ZNF385D: variants seen among roughly 807,000 people sequenced by gnomAD.
ZNF385D encodes the protein zinc finger protein 385D.
Under a neutral mutation model 35.8 loss-of-function variants are expected in ZNF385D, and 15 were observed. That is an observed-to-expected ratio of 0.42 (90% CI 0.28 to 0.64). The LOEUF (loss-of-function observed/expected upper bound fraction) is 0.64. ZNF385D is among the 30% of genes least tolerant of loss of function. The pLI, the probability that ZNF385D is intolerant of heterozygous loss-of-function variation, is 0.23. For missense variants in ZNF385D, 474 were observed against 494.6 expected (o/e 0.96, Z 0.39); for synonymous variants, 212 against 186.8 (o/e 1.13, Z -1.10).
chr3:22,066,837 T>C lies in ZNF385D; in HGVS notation c.325+101980A>G, dbSNP rs1699987670. On this transcript the variant is annotated intron_variant, in intron 3 of 5. Transcript: ENST00000494108. The stretch of plus-strand genomic sequence containing the variant: ...AGCCACATGAAAAAGAAATTGAAAA[T>C]ATATTTCCTTGAAAACATAATCCAG... Among the ~76,000 whole-genome samples the C allele has an allele frequency of 3.3e-5, 5 of 152,258 alleles. No homozygotes were observed. The South Asian group carries it at 1.0e-3, about 32-fold the overall frequency.
intron 2 of ZNF385D, among the ~76,000 whole-genome samples, chr3:22,191,539 G>A (rs996947533): frequency 6.6e-6 from 1 of 151,440 alleles, no homozygotes; most frequent in East Asian, 1.9e-4. Flanking sequence ...ACTTAGAGGT[G>A]TTACTAGAGC....
chr3:21,737,346 A>G (rs185057701), intron 1 of ZNF385D, among the ~76,000 whole-genome samples: 25 of 152,326 alleles, frequency 1.6e-4, no homozygotes. Flanking sequence ...ATAAATCATT[A>G]GATACCATGT....
chr3:21,858,764 C>G (rs556308158), intron 3 of ZNF385D, among the ~76,000 whole-genome samples: 1 of 152,056 alleles, frequency 6.6e-6, no homozygotes, highest in African/African-American at 2.4e-5. Context: ...TCCATGTTCC[C>G]GAATTTTATA....
At chr3:22,006,502 C>G (rs1313838364) in intron 3 of ZNF385D, among the ~76,000 whole-genome samples, 1 of 151,930 alleles carries the variant, frequency 6.6e-6, no homozygotes, top group Non-Finnish European at 1.5e-5. Context: ...GAATAATTAT[C>G]TCTTTTTGAT....
At chr3:21,723,370 G>T (rs2068620462) in intron 1 of ZNF385D, among the ~76,000 whole-genome samples, 1 of 152,140 alleles carries the variant, frequency 6.6e-6, no homozygotes, top group Non-Finnish European at 1.5e-5. Context: ...AAAGGAGCGT[G>T]TTCTAACCCA....
chr3:22,126,883 G>C (rs912961008), intron 3 of ZNF385D, among the ~76,000 whole-genome samples: 4 of 152,020 alleles, frequency 2.6e-5, no homozygotes, highest in Non-Finnish European at 4.4e-5. Context: ...GTTATAATTG[G>C]TATATCATCT....
chr3:21,783,629 A>G lies in ZNF385D; in HGVS notation c.326-118601T>C, dbSNP rs574623518. Among the ~76,000 whole-genome samples, 3 of 152,174 alleles carry G rather than the reference A, an allele frequency of 2.0e-5. No homozygotes were observed. The South Asian group carries it at 6.2e-4, about 32-fold the overall frequency. On this transcript the variant is annotated intron_variant, in intron 3 of 5. Coordinates refer to the ZNF385D transcript ENST00000494108. ...CCCATTCAGTCTCATTGCATTCAGA[A>G]CCAGCAATTTCTCCGTCCTTGTTCC...
chr3:22,138,252 T>C (rs1704275306), intron 3 of ZNF385D, among the ~76,000 whole-genome samples: 3 of 152,188 alleles, frequency 2.0e-5, no homozygotes, highest in Non-Finnish European at 2.9e-5. Context: ...CAAGGCAATT[T>C]ATAGATTCAA....
intron 3 of ZNF385D, among the ~76,000 whole-genome samples, chr3:21,976,730 C>T (rs1035363418): frequency 3.9e-5 from 6 of 152,170 alleles, no homozygotes; most frequent in African/African-American, 1.2e-4. Flanking sequence ...AGGTGTCTCA[C>T]GCTTGTAATC....
At position 21,779,555 on chromosome 3, in the gene ZNF385D, T is replaced by A. The variant is rs373584018; in HGVS notation, c.326-114527A>T. Reference sequence around the variant, plus strand: ...TAGTGACTTCAGCACATGGAGTTTATACAATAGGTGTTTCTGAACATTAGA... The same window carrying A: ...TAGTGACTTCAGCACATGGAGTTTAAACAATAGGTGTTTCTGAACATTAGA... On this transcript the variant is annotated intron_variant, in intron 3 of 5. Transcript: ENST00000494108. 2.3e-4 allele frequency among the ~76,000 whole-genome samples: 35 copies of A among 152,152 alleles called. 1 individual carries two copies. The East Asian group carries it at 3.9e-3, about 17-fold the overall frequency.
chr3:21,821,801 A>AC (rs1553676967), intron 3 of ZNF385D, among the ~76,000 whole-genome samples: 12 of 151,566 alleles, frequency 7.9e-5, no homozygotes, highest in African/African-American at 2.7e-4. Context: ...TCTCTACAAA[A>AC]TTTTTTTTAA....
intron 2 of ZNF385D, among the ~76,000 whole-genome samples, chr3:22,218,657 G>A (rs145961816): frequency 6.6e-6 from 1 of 152,006 alleles, no homozygotes; most frequent in Admixed American, 6.6e-5. Flanking sequence ...TGGCCCAGAA[G>A]GTTCTTAAGG....
intron 2 of ZNF385D, chr3:22,169,054 T>C: frequency 1.0e-6 from 1 of 977,326 alleles, no homozygotes. Flanking sequence ...GCAAGGAAAA[T>C]TATGAACAAG....
Position 22,191,918 on chromosome 3 carries a change from AC to A in ZNF385D, c.107-22884del, listed in dbSNP as rs770832874. Among the ~76,000 whole-genome samples, 14 of 152,034 alleles carry A rather than the reference AC, an allele frequency of 9.2e-5. No individual in the cohort carries two copies. The East Asian group carries it at 1.4e-3, about 15-fold the overall frequency. The stretch of plus-strand genomic sequence containing the variant: ...CTCTGAGGTACCAATCTATAAAAAA[AC>A]AATGGTAATTTCCAGATTCATCTAA... On this transcript the variant is annotated intron_variant, in intron 2 of 5. Coordinates refer to the ZNF385D transcript ENST00000494108.
intron 1 of ZNF385D, among the ~76,000 whole-genome samples, chr3:21,701,474 A>C (rs1352710653): frequency 2.0e-5 from 3 of 152,150 alleles, no homozygotes; most frequent in African/African-American, 7.2e-5. Flanking sequence ...ATAGAATTCA[A>C]CTTGAGATTT....
intron 1 of ZNF385D, among the ~76,000 whole-genome samples, chr3:21,750,016 G>C (rs2069983446): frequency 1.3e-5 from 2 of 152,212 alleles, no homozygotes; most frequent in Non-Finnish European, 2.9e-5. Context: ...TCGCATAGAT[G>C]CCCTTAAATG....
chr3:21,500,558 C>T (rs1004658123), intron 4 of ZNF385D, among the ~76,000 whole-genome samples: 1 of 152,166 alleles, frequency 6.6e-6, no homozygotes, highest in Non-Finnish European at 1.5e-5. Flanking sequence ...TGCATTGGCA[C>T]ACAACATGTG....
intron 3 of ZNF385D, among the ~76,000 whole-genome samples, chr3:21,906,232 T>C (rs894447979): frequency 6.6e-6 from 1 of 152,186 alleles, no homozygotes; most frequent in Non-Finnish European, 1.5e-5. Flanking sequence ...TGAAATGTCA[T>C]TATCAACCCA....
rs114874169 is a variant in ZNF385D at position 22,210,615 on chromosome 3, T to G, written c.107-41580A>C. Among the ~76,000 whole-genome samples, 549 of 151,960 alleles carry G rather than the reference T, an allele frequency of 3.6e-3. 6 individuals are homozygous for G. Among genetic ancestry groups the G allele is most frequent in the African/African-American group, 0.013 (527 of 41,536 alleles). ...AAAATGGATATAGATAAATATAAAA[T>G]CAATACAAACAGGATGTTTCTGGCA... On this transcript the variant is annotated intron_variant, in intron 2 of 5. Transcript: ENST00000494108.
Sources: allele counts gnomAD v4.1 joint callset (sites outside exome capture counted in the v4.1 genomes callset), GRCh38; gene constraint gnomAD v4.1.1; transcripts MANE v1.5; gene names NCBI Gene and HGNC (gene_info 2026-07-23, HGNC 2026-07-21).